The following LRP1B variants were observed in gnomAD, a reference collection of about 807,000 sequenced individuals.
LRP1B encodes the protein LDL receptor related protein 1B.
In LRP1B, 217 loss-of-function variants were observed where a neutral mutation model predicts 556.6. The observed-to-expected ratio is 0.39, with a 90% CI of 0.35 to 0.44. LRP1B has a LOEUF of 0.44. Among genes scored for constraint, LRP1B ranks in the 20% least tolerant of loss-of-function variants. The pLI, the probability that LRP1B is intolerant of heterozygous loss-of-function variation, is 1.00. For synonymous variants in LRP1B, 2,047 were observed against 1,865.8 expected, an observed-to-expected ratio of 1.10 and a Z score of -2.50; for missense variants, 5,053 against 5,620.8, an observed-to-expected ratio of 0.90 and a Z score of 3.23.
intron 41 of LRP1B, among the ~76,000 whole-genome samples, chr2:140,690,388 T>C (rs1196744043): frequency 6.6e-6 from 1 of 151,346 alleles, no homozygotes; most frequent in Non-Finnish European, 1.5e-5. Context: ...GGTCTTTACT[T>C]TTTTTTTTCA....
At chr2:141,165,863 G>A (rs1301792983) in intron 7 of LRP1B, among the ~76,000 whole-genome samples, 1 of 151,954 alleles carries the variant, frequency 6.6e-6, no homozygotes, top group Admixed American at 6.6e-5. Context: ...TGTGAAATGC[G>A]CTATTGTAGC....
intron 83 of LRP1B, among the ~76,000 whole-genome samples, chr2:140,302,222 T>C (rs1683861639): frequency 6.6e-6 from 1 of 152,150 alleles, no homozygotes; most frequent in South Asian, 2.1e-4. Flanking sequence ...GGCTTAAATA[T>C]TTATCTTTCT....
intron 3 of LRP1B, among the ~76,000 whole-genome samples, chr2:141,475,054 G>C (rs1004922460): frequency 6.6e-6 from 1 of 152,110 alleles, no homozygotes; most frequent in African/African-American, 2.4e-5. Context: ...CACAGAGACT[G>C]TCATTCCCAC....
intron 1 of LRP1B, among the ~76,000 whole-genome samples, chr2:141,931,788 T>G (rs115281101): frequency 6.6e-6 from 1 of 152,142 alleles, no homozygotes; most frequent in Non-Finnish European, 1.5e-5. Context: ...AAAAAGAACC[T>G]GATTTCAAAA....
chr2:140,246,441 G>T (rs944533074), intron 87 of LRP1B, among the ~76,000 whole-genome samples: 2 of 151,074 alleles, frequency 1.3e-5, no homozygotes, highest in African/African-American at 2.4e-5. Flanking sequence ...ATTTCAGGTT[G>T]TCAGAAACTG....
Position 141,431,183 on chromosome 2 carries a change from G to C in LRP1B, c.343+49213C>G, listed in dbSNP as rs141729344. ...TAAATAAATGAAATAGATTACCATA[G>C]ATTATCCTGGTGAGCTAATGTAATC... On this transcript the variant is annotated intron_variant, in intron 3 of 90. Transcript: ENST00000389484. 7.5e-3 allele frequency among the ~76,000 whole-genome samples: 900 copies of C among 120,064 alleles called. 9 individuals carry two copies. The highest frequency in any genetic ancestry group is 0.023 in the African/African-American group (837 of 35,828). The allele number at this position is 120,064 out of a possible 152,430, so 78.8% of individuals were successfully genotyped here.
At chr2:140,726,416 T>C (rs1450902622) in intron 35 of LRP1B, among the ~76,000 whole-genome samples, 1 of 152,198 alleles carries the variant, frequency 6.6e-6, no homozygotes, top group Non-Finnish European at 1.5e-5. Context: ...GTTCAATCTA[T>C]GCATGAATCA....
chr2:141,620,919 A>G (rs1174972272), intron 2 of LRP1B, among the ~76,000 whole-genome samples: 1 of 147,884 alleles, frequency 6.8e-6, no homozygotes, highest in East Asian at 2.0e-4. Context: ...TTTCTTCCAA[A>G]AAGTCATGAA....
intron 41 of LRP1B, among the ~76,000 whole-genome samples, chr2:140,666,307 C>T (rs1269324153): frequency 1.4e-4 from 1 of 7,176 alleles, no homozygotes; most frequent in Non-Finnish European, 1.3e-3. Context: ...ATTATACACA[C>T]ACACACACAC....
At chr2:141,765,576 T>C (rs1283943670) in intron 2 of LRP1B, among the ~76,000 whole-genome samples, 1 of 152,184 alleles carries the variant, frequency 6.6e-6, no homozygotes, top group African/African-American at 2.4e-5. Flanking sequence ...AAAAATTAGC[T>C]AAATTTCATA....
At chr2:141,357,306 C>T (rs1001054003) in intron 3 of LRP1B, among the ~76,000 whole-genome samples, 9 of 152,082 alleles carry the variant, frequency 5.9e-5, no homozygotes, top group East Asian at 3.9e-4. Context: ...CACCTGCCTC[C>T]GCTTCCAATG....
At chr2:140,860,226 A>G (rs1692748640) in intron 27 of LRP1B, among the ~76,000 whole-genome samples, 2 of 152,160 alleles carry the variant, frequency 1.3e-5, no homozygotes, top group African/African-American at 4.8e-5. Flanking sequence ...CAATTGATGG[A>G]TGTCTTATAA....
intron 37 of LRP1B, among the ~76,000 whole-genome samples, chr2:140,709,397 G>GAGGAGC (rs1312101177): frequency 2.0e-5 from 3 of 151,728 alleles, no homozygotes; most frequent in South Asian, 2.1e-4. Context: ...AATACCAGAG[G>GAGGAGC]AGGAGCAGGA....
At chr2:141,393,452 C>T (rs570721747) in intron 3 of LRP1B, among the ~76,000 whole-genome samples, 1 of 152,178 alleles carries the variant, frequency 6.6e-6, no homozygotes, top group Admixed American at 6.5e-5. Context: ...GCATTTCTGC[C>T]CAGTGAAAAT....
chr2:141,382,467 C>G (rs756875068), intron 3 of LRP1B, among the ~76,000 whole-genome samples: 1 of 152,176 alleles, frequency 6.6e-6, no homozygotes, highest in Non-Finnish European at 1.5e-5. Flanking sequence ...TCTCACTAGC[C>G]TTTGTTTGAC....
chr2:141,546,745 C>T (rs1197810105), intron 2 of LRP1B, among the ~76,000 whole-genome samples: 2 of 152,148 alleles, frequency 1.3e-5, no homozygotes, highest in Non-Finnish European at 2.9e-5. Context: ...CTCTTTTAAT[C>T]TTTATCCTCC....
At chr2:140,437,595 C>T (rs943197019) in intron 66 of LRP1B, among the ~76,000 whole-genome samples, 5 of 152,150 alleles carry the variant, frequency 3.3e-5, no homozygotes, top group African/African-American at 1.2e-4. Context: ...ATTATCTTTA[C>T]TGTATATAAA....
chr2:141,510,195 G>C (rs373430155), intron 2 of LRP1B, among the ~76,000 whole-genome samples: 16 of 95,084 alleles, frequency 1.7e-4, no homozygotes, highest in South Asian at 3.9e-4. Context: ...CGGCAATACA[G>C]ACACACACAC....
chr2:140,581,291 C>A (rs12476202), intron 43 of LRP1B, among the ~76,000 whole-genome samples: 78,129 of 151,914 alleles, frequency 0.51, 20,658 homozygotes, highest in Admixed American at 0.6. Context: ...TTAAAAAGCA[C>A]AATAAGCCTT....
Sources: gnomAD v4.1 joint callset for allele counts (sites outside exome capture counted in the v4.1 genomes callset) on GRCh38, gnomAD v4.1.1 for gene constraint, MANE v1.5 for transcripts, NCBI Gene and HGNC (gene_info 2026-07-23, HGNC 2026-07-21) for gene names.